SCAF4: variants seen among roughly 807,000 people sequenced by gnomAD.
The protein encoded by SCAF4 is SR-related and CTD-associated factor 4.
SCAF4 carries 25 observed loss-of-function variants against 129.8 expected under a neutral mutation model. That is an observed-to-expected ratio of 0.19 (90% CI 0.14 to 0.27). The LOEUF is 0.27. SCAF4 is among the 10% of genes least tolerant of loss of function. The probability of loss-of-function intolerance (pLI) is 1.00; values close to 1 mark genes in which losing one functional copy is unlikely to be tolerated. For synonymous variants in SCAF4, 551 were observed against 497.7 expected (o/e 1.11, Z -1.43); for missense variants, 1,246 against 1,457.1 (o/e 0.86, Z 2.36).
intron 16 of SCAF4, among the ~76,000 whole-genome samples, chr21:31,686,219 A>G (rs1359025371): frequency 7.3e-6 from 1 of 136,734 alleles, no homozygotes; most frequent in Non-Finnish European, 1.5e-5. Flanking sequence ...AAAAAAAAGA[A>G]AAAAAAAAAA....
At chr21:31,714,912 T>C (rs2050888187) in intron 1 of SCAF4, among the ~76,000 whole-genome samples, 1 of 152,228 alleles carries the variant, frequency 6.6e-6, no homozygotes. Flanking sequence ...CTTTAACTAT[T>C]AGCCAAATGA....
Position 31,689,339 on chromosome 21 carries a change from C to T in SCAF4, c.1886-875G>A, listed in dbSNP as rs988576243. Among the ~76,000 whole-genome samples the T allele has an allele frequency of 2.6e-5, 4 of 151,582 alleles. No individual in the cohort carries two copies. In the East Asian group the frequency reaches 6.0e-4, roughly 23 times the overall value. On this transcript the variant is annotated intron_variant, in intron 15 of 19. Transcript: ENST00000286835. ...TTGAGACAGAGTCTTGCTCTGTCTC[C>T]CAGGATGGAGTGCAGTGGCGCAATC...
chr21:31,674,261 T>A (rs2049791520), intron 19 of SCAF4, among the ~76,000 whole-genome samples: 1 of 152,180 alleles, frequency 6.6e-6, no homozygotes, highest in African/African-American at 2.4e-5. Flanking sequence ...AGGGTATAAA[T>A]TAACAGGGTT....
chr21:31,701,028 GA>G lies in SCAF4; in HGVS notation c.743del (p.Phe248SerfsTer98). On this transcript the variant is annotated frameshift_variant, in exon 7 of 20. Transcript: ENST00000286835. LOFTEE classifies it high-confidence loss of function. ...PTQPSEQKAA[F>X]PPPEQKTAFD... Reference sequence around the variant, plus strand: ...ATGCAGTTTTCTGTTCAGGTGGGGGGAAAGCAGCTTTTTGTTCAGATGGTTG... The same window carrying G: ...ATGCAGTTTTCTGTTCAGGTGGGGGGAAGCAGCTTTTTGTTCAGATGGTTG... The G allele has an allele frequency of 6.2e-7, 1 of 1,614,086 alleles. No homozygotes were observed. Among genetic ancestry groups the G allele is most frequent in the Non-Finnish European group, 8.5e-7 (1 of 1,180,000 alleles).
chr21:31,726,398 T>C (rs989913608), intron 1 of SCAF4, among the ~76,000 whole-genome samples: 4 of 152,074 alleles, frequency 2.6e-5, no homozygotes, highest in East Asian at 3.9e-4. Flanking sequence ...TGGTGGCTCA[T>C]GCCTGCAATC....
chr21:31,686,151 C>T (rs111721987), intron 16 of SCAF4, among the ~76,000 whole-genome samples: 4,996 of 145,950 alleles, frequency 0.034, 123 homozygotes, highest in Non-Finnish European at 0.048. Flanking sequence ...TGCAGTGAGC[C>T]GAGATTGCAC....
chr21:31,685,329 C>G, intron 18 of SCAF4, 69 bp downstream of exon 18: 2 of 1,499,680 alleles, frequency 1.3e-6, no homozygotes, highest in Non-Finnish European at 1.8e-6. Flanking sequence ...GATCCTATTA[C>G]CGCTTCACTC....
intron 4 of SCAF4, among the ~76,000 whole-genome samples, chr21:31,702,714 G>A (rs1380560716): frequency 6.6e-6 from 1 of 152,016 alleles, no homozygotes. Flanking sequence ...AAATGAAGGA[G>A]AATTTCTTCA....
chr21:31,699,833 G>C (rs73201524), intron 7 of SCAF4, among the ~76,000 whole-genome samples: 15 of 152,266 alleles, frequency 9.9e-5, no homozygotes, highest in Non-Finnish European at 1.5e-4. Context: ...GAGCTGTTAG[G>C]GTTAAATTTC....
At chr21:31,695,398 C>T (rs71321397) in intron 9 of SCAF4, among the ~76,000 whole-genome samples, 36,994 of 151,860 alleles carry the variant, frequency 0.24, 5,153 homozygotes, top group Middle Eastern at 0.36. Context: ...AAAAAAATAA[C>T]CAAGGGGGAA....
In SCAF4 at chr21:31,671,449, A is replaced by T. The variant is rs758709141; in HGVS notation, c.3394T>A (p.Ser1132Thr). The change falls in exon 20 of 20, where the codon TCC becomes ACC. Residue 1132 changes from serine (S) to threonine (T), a missense_variant. Transcript: ENST00000286835. ...SEELPAEATSSVEPEKDSGSA... is the reference protein window; with the variant it reads ...SEELPAEATSTVEPEKDSGSA... ...CCAGAATCCTTTTCGGGTTCAACGG[A>T]TGAGGTAGCCTCAGCAGGTAACTCT... 5 of 1,613,978 alleles carry T rather than the reference A, an allele frequency of 3.1e-6. No individual in the cohort carries two copies. The highest frequency in any genetic ancestry group is 4.5e-5 in the East Asian group (2 of 44,888).
intron 16 of SCAF4, 95 bp from the exon 17 acceptor site, chr21:31,685,828 ATG>A (rs2123502212): frequency 8.2e-7 from 1 of 1,226,518 alleles, no homozygotes; most frequent in East Asian, 2.5e-5. Flanking sequence ...GAAAAAATAG[ATG>A]TTTCTTAATT....
intron 9 of SCAF4, among the ~76,000 whole-genome samples, chr21:31,695,271 G>C (rs2050357492): frequency 6.6e-6 from 1 of 152,054 alleles, no homozygotes; most frequent in South Asian, 2.1e-4. Flanking sequence ...GTGATAAACT[G>C]AACTTCAAGT....
At chr21:31,688,114 CA>C (rs61592268) in intron 16 of SCAF4, among the ~76,000 whole-genome samples, 192 bp downstream of exon 16, 474 of 10,784 alleles carry the variant, frequency 0.044, no homozygotes, top group Non-Finnish European at 0.065. Flanking sequence ...GACTCTGTCT[CA>C]AAAAAAAAAA....
At chr21:31,714,533 T>C (rs2050879523) in intron 1 of SCAF4, among the ~76,000 whole-genome samples, 1 of 152,038 alleles carries the variant, frequency 6.6e-6, no homozygotes, top group Admixed American at 6.6e-5. Flanking sequence ...AGACACAAAA[T>C]CCTCTAAAAA....
chr21:31,717,922 C>T lies in SCAF4; in HGVS notation c.31-11565G>A, dbSNP rs1225200012. Among the ~76,000 whole-genome samples, 43 of 142,546 alleles carry T rather than the reference C, an allele frequency of 3.0e-4. No homozygotes were observed. In the East Asian group the frequency reaches 3.9e-3, roughly 13 times the overall value. 93.5% of individuals were successfully genotyped at this position (142,546 alleles called of 152,430 possible). On this transcript the variant is annotated intron_variant, in intron 1 of 19. Transcript: ENST00000286835. ...ACATATATACACACACACACACACACACACACACACACACACACACACACA... is the reference window on the plus strand; with the variant it reads ...ACATATATACACACACACACACACATACACACACACACACACACACACACA...
chr21:31,680,656 T>C (rs941383788), intron 19 of SCAF4, among the ~76,000 whole-genome samples: 1 of 152,222 alleles, frequency 6.6e-6, no homozygotes, highest in African/African-American at 2.4e-5. Context: ...TTACGTATTA[T>C]GTTAGTACTT....
intron 19 of SCAF4, among the ~76,000 whole-genome samples, chr21:31,682,842 C>G (rs576755316): frequency 6.6e-6 from 1 of 152,306 alleles, no homozygotes; most frequent in Admixed American, 6.5e-5. Flanking sequence ...AGTGTGGTCA[C>G]CACATTCCTT....
chr21:31,680,949 T>C (rs538394165), intron 19 of SCAF4, among the ~76,000 whole-genome samples: 1 of 152,350 alleles, frequency 6.6e-6, no homozygotes, highest in African/African-American at 2.4e-5. Context: ...TGTTTAAATA[T>C]AATTCACAAA....
Sources: gnomAD v4.1 joint callset for allele counts (sites outside exome capture counted in the v4.1 genomes callset) on GRCh38, gnomAD v4.1.1 for gene constraint, MANE v1.5 for transcripts, NCBI Gene and HGNC (gene_info 2026-07-23, HGNC 2026-07-21) for gene names.